The following HSPA4 variants were observed in gnomAD, a reference collection of about 807,000 sequenced individuals.
HSPA4 encodes heat shock 70 kDa protein 4.
Under a neutral mutation model 106.2 loss-of-function variants are expected in HSPA4, and 25 were observed. The observed-to-expected ratio is 0.24, with a 90% CI of 0.17 to 0.33. HSPA4 has a LOEUF of 0.33. Among genes scored for constraint, HSPA4 ranks in the 10% least tolerant of loss-of-function variants. The pLI is 1.00. For missense variants in HSPA4, 841 were observed against 996.0 expected (o/e 0.84, Z 2.10); for synonymous variants, 332 against 333.6 (o/e 1.00, Z 0.05).
chr5:133,081,314 C>T (rs1191577859), intron 7 of HSPA4, among the ~76,000 whole-genome samples: 7 of 152,302 alleles, frequency 4.6e-5, no homozygotes, highest in South Asian at 2.1e-4. Context: ...TCTCAAAGTG[C>T]GGGGATTATA....
intron 1 of HSPA4, among the ~76,000 whole-genome samples, chr5:133,055,957 G>T (rs1561574721): frequency 6.6e-6 from 1 of 152,084 alleles, no homozygotes; most frequent in East Asian, 1.9e-4. Flanking sequence ...GGGCGCCTGT[G>T]GTCCCAGCTA....
intron 1 of HSPA4, among the ~76,000 whole-genome samples, chr5:133,061,429 C>CTATT (rs55834426): frequency 0.26 from 39,263 of 151,356 alleles, 5,258 homozygotes; most frequent in African/African-American, 0.31. Flanking sequence ...GCCGTGTTTT[C>CTATT]TAAGTTGCTG....
At chr5:133,069,198 T>A (rs976550213) in intron 3 of HSPA4, among the ~76,000 whole-genome samples, 2 of 152,150 alleles carry the variant, frequency 1.3e-5, no homozygotes, top group African/African-American at 4.8e-5. Context: ...TTGCAGACTT[T>A]TATCTGGAAT....
intron 15 of HSPA4, among the ~76,000 whole-genome samples, chr5:133,099,228 C>T (rs1765755205): frequency 6.6e-6 from 1 of 152,140 alleles, no homozygotes; most frequent in African/African-American, 2.4e-5. Context: ...CTCCTGAGTT[C>T]AGGCAGTTCC....
Position 133,076,701 on chromosome 5 carries a change from T to G in HSPA4, c.711T>G (p.Asp237Glu). The change falls in exon 7 of 19, where the codon GAT becomes GAG. Residue 237 changes from aspartate (D) to glutamate (E), a missense_variant. By Grantham distance (45) the Asp-to-Glu change is conservative. This residue lies in a region of HSPA4 where 347 missense variants were observed against 408.7 expected (regional missense o/e 0.85). Transcript: ENST00000304858. Reference sequence around the variant, plus strand: ...CGACATTGGGAGGTAGAAAATTTGATGAAGTGTTAGTAAATCACTTCTGTG... The same window carrying G: ...CGACATTGGGAGGTAGAAAATTTGAGGAAGTGTTAGTAAATCACTTCTGTG... ...FDTTLGGRKFDEVLVNHFCEE... is the reference protein window; with the variant it reads ...FDTTLGGRKFEEVLVNHFCEE... 1 of 1,613,022 alleles carries G rather than the reference T, an allele frequency of 6.2e-7. No homozygotes were observed. The highest frequency in any genetic ancestry group is 2.2e-5 in the East Asian group (1 of 44,844).
intron 5 of HSPA4, 126 bp downstream of exon 5, chr5:133,073,455 C>A: frequency 1.6e-6 from 1 of 641,594 alleles, no homozygotes; most frequent in South Asian, 2.0e-5. Context: ...CCACTGTGGT[C>A]ATGGTGTTTT....
chr5:133,081,055 CT>C (rs200241697), intron 7 of HSPA4, among the ~76,000 whole-genome samples: 4 of 149,224 alleles, frequency 2.7e-5, no homozygotes, highest in African/African-American at 7.4e-5. Context: ...TTTGCCTGTT[CT>C]TTTTTTTTTG....
At chr5:133,082,363 A>C (rs1347578840) in intron 7 of HSPA4, among the ~76,000 whole-genome samples, 3 of 152,256 alleles carry the variant, frequency 2.0e-5, no homozygotes, top group Non-Finnish European at 1.5e-5. Context: ...ACAACTCTGT[A>C]TATATGAAGT....
rs1765846554 is a variant in HSPA4, at chr5:133,105,587, G to A, written c.*1151G>A. The A allele has an allele frequency of 2.6e-5, 4 of 152,306 alleles. No individual in the cohort carries two copies. The highest frequency in any genetic ancestry group is 4.1e-4 in the South Asian group (2 of 4,830). 9.4% of individuals were successfully genotyped at this position (152,306 alleles called of 1,614,324 possible). A position where few individuals can be genotyped will look rare whatever the true frequency, so the allele number is the denominator to read the frequency against. ...CTGCTTTTTGGGGCAGTGTTGACAG[G>A]AGTGAGGCATTTTGGAAACTCCAAG... On this transcript the variant is annotated 3_prime_UTR_variant, in exon 19 of 19. Transcript: ENST00000304858.
At chr5:133,101,652 T>C in intron 16 of HSPA4, 107 bp from the exon 17 acceptor site, 2 of 1,043,868 alleles carry the variant, frequency 1.9e-6, no homozygotes, top group South Asian at 1.5e-5. Flanking sequence ...ATTTAACTTC[T>C]TATATATAGC....
chr5:133,082,106 A>G (rs891254836), intron 7 of HSPA4, among the ~76,000 whole-genome samples: 5 of 152,234 alleles, frequency 3.3e-5, no homozygotes, highest in Admixed American at 2.6e-4. Flanking sequence ...AAAAAATGTA[A>G]TACAGATACA....
At chr5:133,092,462 C>T (rs1235743935) in intron 12 of HSPA4, among the ~76,000 whole-genome samples, 1 of 152,122 alleles carries the variant, frequency 6.6e-6, no homozygotes, top group Non-Finnish European at 1.5e-5. Context: ...CACAGTTATT[C>T]TTGTGTATGT....
rs1765858706 is a variant in HSPA4 at position 133,106,136 on chromosome 5, TTTTTG to T, written c.*1701_*1705del. 1.6e-5 allele frequency: 1 copy of T among 60,666 alleles called. No homozygotes were observed. Among genetic ancestry groups the T allele is most frequent in the Non-Finnish European group, 3.2e-5 (1 of 31,112 alleles). The allele number at this position is 60,666 out of a possible 1,614,324, so 3.8% of individuals were successfully genotyped here. A position where few individuals can be genotyped will look rare whatever the true frequency, so the allele number is the denominator to read the frequency against. The stretch of plus-strand genomic sequence containing the variant: ...TTTTTTTTTTTTTTTTTTTTTTTTT[TTTTTG>T]GTGTGTGTGTGTGTGTGTGTGGGGA... On this transcript the variant is annotated 3_prime_UTR_variant, in exon 19 of 19. Transcript: ENST00000304858.
intron 7 of HSPA4, among the ~76,000 whole-genome samples, chr5:133,082,088 G>T (rs1458535468): frequency 3.3e-5 from 5 of 152,038 alleles, no homozygotes; most frequent in Non-Finnish European, 5.9e-5. Context: ...GATATTTTTG[G>T]TACTTGAAAA....
chr5:133,092,675 G>C, intron 12 of HSPA4, 25 bp from the exon 13 acceptor site: 1 of 1,506,622 alleles, frequency 6.6e-7, no homozygotes, highest in Non-Finnish European at 9.2e-7. Flanking sequence ...CCTAATTGCA[G>C]GATTTAATTT....
At position 133,091,391 on chromosome 5, in the gene HSPA4, A is replaced by T; in HGVS notation, c.1560+17A>T. 6.3e-7 allele frequency: 1 copy of T among 1,593,990 alleles called. No individual in the cohort carries two copies. The highest frequency in any genetic ancestry group is 8.6e-7 in the Non-Finnish European group (1 of 1,165,852). Reference sequence around the variant, plus strand: ...GAGGAAGAGGTAATCTAGACATTGTATACCACTTGTGATGGCCCAGAGGTG... The same window carrying T: ...GAGGAAGAGGTAATCTAGACATTGTTTACCACTTGTGATGGCCCAGAGGTG... On this transcript the variant is annotated intron_variant, in intron 12 of 18. Coordinates refer to ENST00000304858, the MANE Select transcript of HSPA4 (RefSeq NM_002154.4).
At chr5:133,065,132 T>G in intron 2 of HSPA4, 95 bp downstream of exon 2, 1 of 1,026,654 alleles carries the variant, frequency 9.7e-7, no homozygotes, top group Non-Finnish European at 1.5e-6. Flanking sequence ...CTAACACTGG[T>G]AGGCCTTGGG....
intron 2 of HSPA4, among the ~76,000 whole-genome samples, chr5:133,066,377 AT>A (rs1765305380): frequency 6.6e-6 from 1 of 152,174 alleles, no homozygotes; most frequent in South Asian, 2.1e-4. Context: ...TCATTCTGGA[AT>A]TTTTTGAATA....
intron 11 of HSPA4, 27 bp downstream of exon 11, chr5:133,089,722 A>G (rs1765621366): frequency 6.8e-7 from 1 of 1,463,432 alleles, no homozygotes; most frequent in Non-Finnish European, 9.1e-7. Context: ...AAATTAAAAA[A>G]GAAAAAAAAA....
Sources: gnomAD v4.1 joint callset for allele counts (sites outside exome capture counted in the v4.1 genomes callset) on GRCh38, gnomAD v4.1.1 for gene constraint, gnomAD v4.1.1 regional missense constraint, MANE v1.5 for transcripts, NCBI Gene and HGNC (gene_info 2026-07-23, HGNC 2026-07-21) for gene names.